The following CNIH2 variants were observed in gnomAD, a reference collection of about 807,000 sequenced individuals.
The protein encoded by CNIH2 is cornichon family AMPA receptor auxiliary protein 2, also known as protein cornichon homolog 2.
Under a neutral mutation model 22.9 loss-of-function variants are expected in CNIH2, and 8 were observed. That is an observed-to-expected ratio of 0.35 (90% confidence interval 0.20 to 0.63). The LOEUF (loss-of-function observed/expected upper bound fraction) is 0.63, where lower values mean the gene tolerates loss of function less well. Ranked by LOEUF, CNIH2 falls within the 30% of genes least tolerant of loss-of-function variation. CNIH2 has a pLI of 0.72. For synonymous variants in CNIH2, 74 were observed against 78.2 expected, an observed-to-expected ratio of 0.95 and a Z score of 0.28; for missense variants, 105 against 206.2, an observed-to-expected ratio of 0.51 and a Z score of 3.01.
chr11:66,279,641 T>C (rs1857229628), intron 1 of CNIH2, among the ~76,000 whole-genome samples: 1 of 152,176 alleles, frequency 6.6e-6, no homozygotes, highest in African/African-American at 2.4e-5. Context: ...GTGCCTCACC[T>C]GCTTCTTTCC....
In CNIH2 at chr11:66,283,619, G is replaced by T; in HGVS notation, c.*22G>T. 1 of 1,562,568 alleles carries T rather than the reference G, an allele frequency of 6.4e-7. No homozygotes were observed. Among genetic ancestry groups the T allele is most frequent in the East Asian group, 2.4e-5 (1 of 41,748 alleles). ...CTAAGGGGGAAGCCGGCCAGGGAGC[G>T]AGCCCAGAACGGACCGGACGCCTGT... On this transcript the variant is annotated 3_prime_UTR_variant, in exon 6 of 6. Transcript: ENST00000311445.
intron 1 of CNIH2, chr11:66,281,473 C>CACCAATCCTGAGACATGG (rs1288812252): frequency 1.3e-5 from 6 of 456,166 alleles, no homozygotes; most frequent in African/African-American, 6.0e-5. Context: ...TTTCCTGCCC[C>CACCAATCCTGAGACATGG]ACCAATCCTG....
At position 66,283,680 on chromosome 11, in the gene CNIH2, C is replaced by T; in HGVS notation, c.*83C>T. On this transcript the variant is annotated 3_prime_UTR_variant, in exon 6 of 6. Coordinates refer to ENST00000311445, the MANE Select transcript of CNIH2 (RefSeq NM_182553.3). The stretch of plus-strand genomic sequence containing the variant: ...CCCTGCCCCTTGGCCGCAGAGGCCT[C>T]AGCCCTGGGGAGGGAGGGGGCACTG... The T allele has an allele frequency of 6.7e-7, 1 of 1,485,394 alleles. No individual in the cohort carries two copies. The highest frequency in any genetic ancestry group is 9.1e-7 in the Non-Finnish European group (1 of 1,093,244). The allele number at this position is 1,485,394 out of a possible 1,614,324, so 92.0% of individuals were successfully genotyped here.
At chr11:66,279,435 T>A (rs1331733447) in intron 1 of CNIH2, among the ~76,000 whole-genome samples, 1 of 151,910 alleles carries the variant, frequency 6.6e-6, no homozygotes, top group Non-Finnish European at 1.5e-5. Flanking sequence ...CCCACTTTAC[T>A]GCCCTCCGTC....
chr11:66,279,555 A>T (rs1857227984), intron 1 of CNIH2, among the ~76,000 whole-genome samples: 1 of 150,540 alleles, frequency 6.6e-6, no homozygotes, highest in African/African-American at 2.5e-5. Flanking sequence ...CACCTCCCTG[A>T]TTGTCATTCC....
At chr11:66,279,639 C>T (rs1001063872) in intron 1 of CNIH2, among the ~76,000 whole-genome samples, 23 of 152,188 alleles carry the variant, frequency 1.5e-4, no homozygotes, top group African/African-American at 5.1e-4. Context: ...CGGTGCCTCA[C>T]CTGCTTCTTT....
chr11:66,278,863 C>A (rs1438383556), intron 1 of CNIH2, among the ~76,000 whole-genome samples: 2 of 126,470 alleles, frequency 1.6e-5, no homozygotes, highest in African/African-American at 3.0e-5. Flanking sequence ...TGTCCCCCCC[C>A]ACCACCATCC....
At position 66,283,026 on chromosome 11, in the gene CNIH2, C is replaced by T. The variant is rs572293797; in HGVS notation, c.199-9C>T. The T allele has an allele frequency of 2.0e-5, 33 of 1,610,874 alleles. 1 individual carries two copies. The South Asian group carries it at 3.1e-4, about 15-fold the overall frequency. ...CCAGGCCGCTGACCTCTCACCCTCA[C>T]TCCCCCAGCTGGTGGTCCCAGAATA... is the stretch of plus-strand genomic sequence containing the variant. On this transcript the variant is annotated splice_polypyrimidine_tract_variant and intron_variant, in intron 3 of 5. Transcript: ENST00000311445.
At position 66,280,771 on chromosome 11, in the gene CNIH2, G is replaced by C. The variant is rs982164382; in HGVS notation, c.82-1488G>C. Among the ~76,000 whole-genome samples, 3 of 152,154 alleles carry C rather than the reference G, an allele frequency of 2.0e-5. No individual in the cohort carries two copies. In the South Asian group the frequency reaches 6.2e-4, roughly 31 times the overall value. On this transcript the variant is annotated intron_variant, in intron 1 of 5. Coordinates refer to ENST00000311445, the MANE Select transcript of CNIH2 (RefSeq NM_182553.3). ...GAGTCAATGGGGAGCTGGGCGGGGA[G>C]GGGGGATGATCCAGATGGCCTCAGC...
chr11:66,278,712 G>GC (rs1176816524), intron 1 of CNIH2, among the ~76,000 whole-genome samples, 175 bp downstream of exon 1: 2 of 150,028 alleles, frequency 1.3e-5, no homozygotes, highest in Non-Finnish European at 3.0e-5. Context: ...TCTTCCCGGG[G>GC]CCCCCCTTCC....
At chr11:66,280,549 C>T (rs1031019287) in intron 1 of CNIH2, among the ~76,000 whole-genome samples, 1 of 152,178 alleles carries the variant, frequency 6.6e-6, no homozygotes, top group Admixed American at 6.5e-5. Context: ...TCCTAGGCAA[C>T]CCTGGCGGTG....
intron 1 of CNIH2, 27 bp from the exon 2 acceptor site, chr11:66,282,232 C>T: frequency 6.2e-7 from 1 of 1,604,146 alleles, no homozygotes; most frequent in Non-Finnish European, 8.5e-7. Flanking sequence ...CTGCCCCAAC[C>T]CTGACGGGCA....
chr11:66,283,484 C>T (rs1857295369), intron 5 of CNIH2, 86 bp from the exon 6 acceptor site: 1 of 1,608,250 alleles, frequency 6.2e-7, no homozygotes, highest in Non-Finnish European at 8.5e-7. Flanking sequence ...CCCCTGAGGA[C>T]TGAGGGCAGC....
At chr11:66,282,462 GC>G in intron 2 of CNIH2, 135 bp downstream of exon 2, 1 of 1,115,544 alleles carries the variant, frequency 9.0e-7, no homozygotes, top group Non-Finnish European at 1.3e-6. Context: ...CTCTGTCTCC[GC>G]CCCCAGCAAA....
chr11:66,280,738 G>A (rs763401986), intron 1 of CNIH2, among the ~76,000 whole-genome samples: 2 of 152,138 alleles, frequency 1.3e-5, no homozygotes, highest in Non-Finnish European at 2.9e-5. Context: ...GCCAAGTGGC[G>A]CTGCCCAGAG....
intron 1 of CNIH2, among the ~76,000 whole-genome samples, chr11:66,279,041 C>CT (rs1448378268): frequency 6.6e-6 from 1 of 150,860 alleles, no homozygotes; most frequent in Non-Finnish European, 1.5e-5. Flanking sequence ...TCCCAGCCCC[C>CT]TCCCTGACCA....
intron 1 of CNIH2, among the ~76,000 whole-genome samples, chr11:66,279,226 C>T (rs1045480661): frequency 3.9e-5 from 6 of 151,924 alleles, no homozygotes; most frequent in African/African-American, 1.5e-4. Context: ...ACCCCTTGGT[C>T]TGTCCCTCGC....
chr11:66,282,054 A>G (rs916503523), intron 1 of CNIH2, among the ~76,000 whole-genome samples: 9 of 152,130 alleles, frequency 5.9e-5, no homozygotes, highest in Non-Finnish European at 1.5e-5. Flanking sequence ...ATGGGCCTGA[A>G]CTGGGCATCC....
intron 1 of CNIH2, among the ~76,000 whole-genome samples, chr11:66,280,141 C>G (rs1286019307): frequency 6.6e-6 from 1 of 152,220 alleles, no homozygotes; most frequent in Non-Finnish European, 1.5e-5. Flanking sequence ...ATCCACCACG[C>G]CTGCATTGAT....
Sources: allele counts gnomAD v4.1 joint callset (sites outside exome capture counted in the v4.1 genomes callset), GRCh38; gene constraint gnomAD v4.1.1; transcripts MANE v1.5; gene names NCBI Gene and HGNC (gene_info 2026-07-23, HGNC 2026-07-21).